LRRC37A2: variants seen among roughly 807,000 people sequenced by gnomAD.
LRRC37A2 encodes the protein leucine rich repeat containing 37 member A2.
A neutral mutation model predicts 68.8 loss-of-function variants in LRRC37A2; 9 were observed. The ratio of observed to expected loss-of-function variants is 0.13; its 90% CI spans 0.08 to 0.23. LRRC37A2 has a LOEUF of 0.23. Among genes scored for constraint, LRRC37A2 ranks in the 10% least tolerant of loss-of-function variants. The probability of loss-of-function intolerance (pLI) is 1.00; values close to 1 mark genes in which losing one functional copy is unlikely to be tolerated. For missense variants in LRRC37A2, 168 were observed against 950.4 expected (o/e 0.18, Z 10.82); for synonymous variants, 63 against 367.6 (o/e 0.17, Z 9.48).
the LRRC37A2 span, among the ~76,000 whole-genome samples, chr17:46,949,915 C>T: frequency 2.6e-5 from 4 of 152,170 alleles, no homozygotes; most frequent in African/African-American, 4.8e-5. Flanking sequence ...AGGCCAGACG[C>T]GGGGTGCCTA....
chr17:46,893,707 GA>G, the LRRC37A2 span, among the ~76,000 whole-genome samples: 2 of 151,978 alleles, frequency 1.3e-5, no homozygotes, highest in African/African-American at 4.8e-5. Flanking sequence ...TTGGAATCCT[GA>G]AAAAAACAAA....
At chr17:46,773,663 A>G in the LRRC37A2 span, 1 of 939,144 alleles carries the variant, frequency 1.1e-6, no homozygotes, top group Non-Finnish European at 1.5e-6. Flanking sequence ...GCCCCAAGGC[A>G]GTACCTTTGT....
At chr17:46,780,448 C>T in the LRRC37A2 span, among the ~76,000 whole-genome samples, 1 of 152,236 alleles carries the variant, frequency 6.6e-6, no homozygotes, top group African/African-American at 2.4e-5. Context: ...TAGAATCACC[C>T]TATAATCCAG....
the LRRC37A2 span, among the ~76,000 whole-genome samples, chr17:46,760,709 C>T: frequency 6.6e-6 from 1 of 151,786 alleles, no homozygotes; most frequent in Non-Finnish European, 1.5e-5. Context: ...TCGAGCATCC[C>T]TAATCTAAAA....
the LRRC37A2 span, chr17:46,763,167 G>A: frequency 6.6e-6 from 1 of 152,182 alleles, no homozygotes; most frequent in Non-Finnish European, 1.5e-5. Context: ...AGACCCCAGA[G>A]AGAAGGGGGA....
chr17:46,923,521 T>A, the LRRC37A2 span: 1 of 1,356,918 alleles, frequency 7.4e-7, no homozygotes, highest in Admixed American at 3.4e-5. Flanking sequence ...TATAAAACTT[T>A]GTCCAGCACT....
At chr17:46,848,191 G>A in the LRRC37A2 span, among the ~76,000 whole-genome samples, 3 of 152,204 alleles carry the variant, frequency 2.0e-5, no homozygotes, top group African/African-American at 7.2e-5. Context: ...AACAGTGGGG[G>A]TCTGTGTGTC....
chr17:46,959,310 T>G, the LRRC37A2 span, among the ~76,000 whole-genome samples: 1 of 152,230 alleles, frequency 6.6e-6, no homozygotes, highest in African/African-American at 2.4e-5. Context: ...GCATTCTGCT[T>G]TCTTTTTGGA....
the LRRC37A2 span, among the ~76,000 whole-genome samples, chr17:46,884,809 TG>T: frequency 2.0e-5 from 3 of 152,104 alleles, no homozygotes; most frequent in African/African-American, 7.2e-5. Flanking sequence ...AGGCGACAGC[TG>T]GACTGGGATT....
chr17:46,951,422 C>T, the LRRC37A2 span, among the ~76,000 whole-genome samples: 1 of 152,212 alleles, frequency 6.6e-6, no homozygotes, highest in Admixed American at 6.5e-5. Context: ...CTGGGCTCCT[C>T]GCCCAGCTGC....
At chr17:46,491,094 A>C in the LRRC37A2 span, among the ~76,000 whole-genome samples, 1 of 150,692 alleles carries the variant, frequency 6.6e-6, no homozygotes, top group African/African-American at 2.5e-5. Context: ...ATGGAGTTTC[A>C]CCGTGTTGCC....
chr17:46,788,781 C>T, the LRRC37A2 span, among the ~76,000 whole-genome samples: 2 of 151,948 alleles, frequency 1.3e-5, no homozygotes, highest in South Asian at 4.2e-4. Flanking sequence ...CCTTTCCCTG[C>T]CCTCAGCAGC....
chr17:46,467,726 C>T, the LRRC37A2 span, among the ~76,000 whole-genome samples: 16 of 104,832 alleles, frequency 1.5e-4, no homozygotes, highest in Admixed American at 1.3e-3. Flanking sequence ...ATGTGTGTTA[C>T]ATGATAAAGA....
chr17:46,955,626 G>A, the LRRC37A2 span: 1 of 152,304 alleles, frequency 6.6e-6, no homozygotes, highest in East Asian at 1.9e-4. Context: ...GCACACCTCT[G>A]AAGCAGTGCA....
chr17:46,900,194 TATATATATACAC>T, the LRRC37A2 span, among the ~76,000 whole-genome samples: 7 of 101,758 alleles, frequency 6.9e-5, no homozygotes, highest in African/African-American at 2.7e-4. Context: ...TATATATATA[TATATATATACAC>T]ACACACACAC....
the LRRC37A2 span, among the ~76,000 whole-genome samples, chr17:46,980,811 T>A: frequency 6.6e-6 from 1 of 151,586 alleles, no homozygotes; most frequent in Non-Finnish European, 1.5e-5. Context: ...CCAGCCTGGG[T>A]GACAGAGCGA....
At chr17:46,479,500 G>C in the LRRC37A2 span, among the ~76,000 whole-genome samples, 1 of 108,338 alleles carries the variant, frequency 9.2e-6, no homozygotes, top group African/African-American at 3.2e-5. Context: ...TAGGTGTCCA[G>C]TAAATTATTT....
the LRRC37A2 span, chr17:46,832,625 G>GT: frequency 6.6e-6 from 1 of 152,484 alleles, no homozygotes. Context: ...CCCTGCCGCT[G>GT]CACCGAGAGC....
At chr17:46,756,462 C>T in the LRRC37A2 span, 3 of 152,162 alleles carry the variant, frequency 2.0e-5, no homozygotes, top group Admixed American at 1.3e-4. Context: ...AGATGACTAC[C>T]GTGTTGGTTG....
Sources: allele counts gnomAD v4.1 joint callset (sites outside exome capture counted in the v4.1 genomes callset), GRCh38; gene constraint gnomAD v4.1.1; transcripts MANE v1.5; gene names NCBI Gene and HGNC (gene_info 2026-07-23, HGNC 2026-07-21).